The following SNAP91 variants were observed in gnomAD, a reference collection of about 807,000 sequenced individuals.
The protein encoded by SNAP91 is synaptosome associated protein 91.
SNAP91 carries 27 observed loss-of-function variants against 100.3 expected under a neutral mutation model. That is an observed-to-expected ratio of 0.27 (90% CI 0.20 to 0.37). The LOEUF is 0.37. Ranked by LOEUF, SNAP91 falls within the 10% of genes least tolerant of loss-of-function variation. The probability of loss-of-function intolerance (pLI) is 1.00; values close to 1 mark genes in which losing one functional copy is unlikely to be tolerated. For missense variants in SNAP91, 986 were observed against 1,123.7 expected (o/e 0.88, Z 1.75); for synonymous variants, 404 against 398.6 (o/e 1.01, Z -0.16).
intron 2 of SNAP91, chr6:83,686,373 T>A (rs1429105348): frequency 5.7e-6 from 1 of 174,556 alleles, no homozygotes; most frequent in African/African-American, 2.4e-5. Flanking sequence ...TTTTTAAGAG[T>A]TACTGGCTAC....
At chr6:83,635,128 A>G (rs971764034) in intron 8 of SNAP91, among the ~76,000 whole-genome samples, 1 of 152,124 alleles carries the variant, frequency 6.6e-6, no homozygotes, top group African/African-American at 2.4e-5. Flanking sequence ...TGTTGGGTGG[A>G]GTAGTCTGTA....
chr6:83,661,715 G>A (rs934577054), intron 4 of SNAP91, 111 bp from the exon 5 acceptor site: 10 of 529,674 alleles, frequency 1.9e-5, no homozygotes, highest in Non-Finnish European at 3.3e-5. Context: ...CTAGGATAGG[G>A]TCAATAACTG....
At chr6:83,595,670 G>A (rs373705735) in intron 16 of SNAP91, among the ~76,000 whole-genome samples, 5 of 152,000 alleles carry the variant, frequency 3.3e-5, no homozygotes, top group Non-Finnish European at 4.4e-5. Context: ...ACTGTCTTCC[G>A]CAATATCTAC....
chr6:83,669,895 TTGA>T (rs529144559), intron 2 of SNAP91, among the ~76,000 whole-genome samples: 4 of 152,134 alleles, frequency 2.6e-5, no homozygotes, highest in Non-Finnish European at 5.9e-5. Flanking sequence ...CATTCACCTG[TTGA>T]TGAACAATTA....
chr6:83,610,103 TG>T (rs1388327332), intron 12 of SNAP91, among the ~76,000 whole-genome samples: 1 of 152,128 alleles, frequency 6.6e-6, no homozygotes, highest in Admixed American at 6.5e-5. Context: ...ATTCCACTTC[TG>T]GGTATATACC....
chr6:83,582,185 G>T (rs773289618), intron 23 of SNAP91, 37 bp downstream of exon 23: 1 of 1,607,368 alleles, frequency 6.2e-7, no homozygotes, highest in Non-Finnish European at 8.5e-7. Context: ...TTATTACCAG[G>T]ACACATGAAA....
chr6:83,608,889 C>T (rs1383732552), intron 12 of SNAP91, among the ~76,000 whole-genome samples: 7 of 152,242 alleles, frequency 4.6e-5, no homozygotes, highest in Admixed American at 3.9e-4. Flanking sequence ...CAACTCAGAA[C>T]TCTCTCTTCA....
At position 83,592,552 on chromosome 6, in the gene SNAP91, C is replaced by G. The variant is rs373298932; in HGVS notation, c.1847-14G>C. 6 of 1,596,082 alleles carry G rather than the reference C, an allele frequency of 3.8e-6. No homozygotes were observed. Among genetic ancestry groups the G allele is most frequent in the Non-Finnish European group, 4.3e-6 (5 of 1,170,534 alleles). On this transcript the variant is annotated splice_polypyrimidine_tract_variant and intron_variant, in intron 20 of 29. Transcript: ENST00000369694. ...CAAATGCATCCACTGCAGTGAAGCA[C>G]AGACAGGAAAAAGTGCATGTCACCC...
At chr6:83,591,785 A>T (rs1011243708) in intron 21 of SNAP91, among the ~76,000 whole-genome samples, 1 of 152,190 alleles carries the variant, frequency 6.6e-6, no homozygotes, top group Non-Finnish European at 1.5e-5. Flanking sequence ...TGTATTCCTC[A>T]TGTACGCATC....
chr6:83,569,150 G>A (rs952103501), intron 26 of SNAP91, among the ~76,000 whole-genome samples: 45 of 152,148 alleles, frequency 3.0e-4, no homozygotes, highest in Non-Finnish European at 1.5e-4. Context: ...CTATGCATAA[G>A]AGAGCCTGTA....
At chr6:83,629,590 C>T (rs116116074) in intron 8 of SNAP91, among the ~76,000 whole-genome samples, 1,899 of 151,964 alleles carry the variant, frequency 0.012, 36 homozygotes, top group African/African-American at 0.044. Flanking sequence ...TCGGTATATT[C>T]CTAAGTATTT....
intron 2 of SNAP91, among the ~76,000 whole-genome samples, chr6:83,677,094 A>G (rs1164990279): frequency 6.6e-6 from 1 of 152,132 alleles, no homozygotes. Flanking sequence ...TATCTAGTTC[A>G]TGTTTCTCTT....
intron 2 of SNAP91, among the ~76,000 whole-genome samples, chr6:83,685,912 G>T (rs954860669): frequency 1.3e-5 from 2 of 151,994 alleles, no homozygotes; most frequent in Non-Finnish European, 2.9e-5. Context: ...TAAAAAAATA[G>T]GTCTTTTTTT....
intron 26 of SNAP91, among the ~76,000 whole-genome samples, chr6:83,572,613 C>G (rs1397442031): frequency 6.6e-6 from 1 of 152,088 alleles, no homozygotes; most frequent in Non-Finnish European, 1.5e-5. Context: ...TTCTCACCAC[C>G]TTGCCTTCCA....
intron 22 of SNAP91, among the ~76,000 whole-genome samples, chr6:83,584,293 T>C (rs1268670049): frequency 6.6e-6 from 1 of 152,194 alleles, no homozygotes; most frequent in Non-Finnish European, 1.5e-5. Flanking sequence ...TATTTTAGAA[T>C]CACAGCATAT....
intron 2 of SNAP91, among the ~76,000 whole-genome samples, chr6:83,697,660 T>C (rs2099236832): frequency 6.6e-6 from 1 of 152,130 alleles, no homozygotes; most frequent in Admixed American, 6.6e-5. Flanking sequence ...AATTTAATGT[T>C]TATTTGTTTG....
intron 22 of SNAP91, among the ~76,000 whole-genome samples, chr6:83,589,256 C>T (rs997921892): frequency 7.2e-5 from 11 of 152,104 alleles, no homozygotes; most frequent in Admixed American, 6.6e-4. Context: ...ATATCTAGGC[C>T]TGGATAAAAG....
chr6:83,589,685 C>G (rs1409654457), intron 22 of SNAP91, among the ~76,000 whole-genome samples: 1 of 152,046 alleles, frequency 6.6e-6, no homozygotes, highest in Non-Finnish European at 1.5e-5. Context: ...ACTATTGCCC[C>G]TGGGAAAGAC....
intron 11 of SNAP91, among the ~76,000 whole-genome samples, chr6:83,613,997 T>G (rs1175588642): frequency 6.6e-6 from 1 of 152,188 alleles, no homozygotes. Flanking sequence ...TACTACAAAC[T>G]CATGGGTTTC....
Sources: gnomAD v4.1 joint callset for allele counts (sites outside exome capture counted in the v4.1 genomes callset) on GRCh38, gnomAD v4.1.1 for gene constraint, MANE v1.5 for transcripts, NCBI Gene and HGNC (gene_info 2026-07-23, HGNC 2026-07-21) for gene names.